Variants in WNT7A observed in about 807,000 individuals in gnomAD.
WNT7A encodes Wnt family member 7A, also known as protein Wnt-7a.
WNT7A carries 16 observed loss-of-function variants against 28.2 expected under a neutral mutation model. The observed-to-expected ratio is 0.57, with a 90% CI of 0.38 to 0.86. The LOEUF (loss-of-function observed/expected upper bound fraction) is 0.86. Ranked by LOEUF, WNT7A falls within the 40% of genes least tolerant of loss-of-function variation. WNT7A has a pLI of 0.00. For missense variants in WNT7A, 411 were observed against 489.7 expected, an observed-to-expected ratio of 0.84 and a Z score of 1.52; for synonymous variants, 190 against 195.9, an observed-to-expected ratio of 0.97 and a Z score of 0.25.
intron 1 of WNT7A, among the ~76,000 whole-genome samples, chr3:13,876,738 C>T (rs936181266): frequency 6.9e-6 from 1 of 144,062 alleles, no homozygotes; most frequent in Non-Finnish European, 1.5e-5. Flanking sequence ...GTCCTTGCTC[C>T]TCCTCTCCCT....
intron 2 of WNT7A, among the ~76,000 whole-genome samples, chr3:13,871,857 C>A (rs1362344397): frequency 6.6e-6 from 1 of 152,184 alleles, no homozygotes; most frequent in East Asian, 1.9e-4. Flanking sequence ...CAGAAGGTCT[C>A]CATTCCCATG....
At chr3:13,854,854 T>C in intron 2 of WNT7A, 51 bp from the exon 3 acceptor site, 1 of 1,606,784 alleles carries the variant, frequency 6.2e-7, no homozygotes, top group Non-Finnish European at 8.5e-7. Flanking sequence ...CCCAAGCATC[T>C]GAGAGGAGGC....
chr3:13,819,645 T>C (rs1440831833), intron 3 of WNT7A, among the ~76,000 whole-genome samples: 1 of 152,140 alleles, frequency 6.6e-6, no homozygotes, highest in African/African-American at 2.4e-5. Flanking sequence ...AGTTTCCCCA[T>C]ATGTAGAAGG....
At chr3:13,859,618 C>A (rs56042123) in intron 2 of WNT7A, among the ~76,000 whole-genome samples, 29,235 of 152,136 alleles carry the variant, frequency 0.19, 3,213 homozygotes, top group East Asian at 0.54. Context: ...ACCACCATGA[C>A]CCCTGTCCCT....
intron 2 of WNT7A, among the ~76,000 whole-genome samples, chr3:13,865,358 G>A (rs909220473): frequency 4.6e-5 from 7 of 152,132 alleles, no homozygotes; most frequent in African/African-American, 7.2e-5. Flanking sequence ...GCCTGGGAAC[G>A]GGCACAGCTC....
intron 1 of WNT7A, 101 bp downstream of exon 1, chr3:13,879,645 G>C (rs1198190448): frequency 4.5e-6 from 6 of 1,339,608 alleles, no homozygotes; most frequent in Non-Finnish European, 6.2e-6. Context: ...CAGAGAAGCT[G>C]TGGAAGTTGG....
intron 2 of WNT7A, among the ~76,000 whole-genome samples, chr3:13,858,571 C>T (rs565344309): frequency 2.4e-4 from 36 of 152,256 alleles, no homozygotes; most frequent in African/African-American, 8.2e-4. Flanking sequence ...CACATTTCAC[C>T]CCCCCGAGCT....
At chr3:13,874,815 T>C in intron 2 of WNT7A, 132 bp downstream of exon 2, 2 of 922,912 alleles carry the variant, frequency 2.2e-6, no homozygotes, top group Admixed American at 4.0e-5. Flanking sequence ...TGCAAGTCAA[T>C]GCACCTGCAG....
At chr3:13,857,650 A>G (rs7653849) in intron 2 of WNT7A, among the ~76,000 whole-genome samples, 142,432 of 152,146 alleles carry the variant, frequency 0.94, 66,801 homozygotes, top group East Asian at 1. Flanking sequence ...AGAGCCTAGA[A>G]GAGCAAAGAG....
intron 2 of WNT7A, among the ~76,000 whole-genome samples, chr3:13,859,524 C>T (rs553011514): frequency 6.6e-6 from 1 of 152,198 alleles, no homozygotes; most frequent in East Asian, 1.9e-4. Context: ...AAGAACTTGC[C>T]CTGCATCTGT....
chr3:13,868,891 G>A (rs1300949860), intron 2 of WNT7A, among the ~76,000 whole-genome samples: 9 of 140,036 alleles, frequency 6.4e-5, no homozygotes, highest in African/African-American at 1.3e-4. Context: ...AAGGAAGGAG[G>A]GAGGGAGGAA....
intron 2 of WNT7A, among the ~76,000 whole-genome samples, chr3:13,868,772 G>C (rs1195245319): frequency 1.2e-4 from 1 of 8,542 alleles, no homozygotes; most frequent in Non-Finnish European, 3.0e-4. Context: ...GGAAGGGAAG[G>C]GAAGGGAGGA....
intron 2 of WNT7A, among the ~76,000 whole-genome samples, chr3:13,856,918 A>AAGAAGAAGG: frequency 1.0e-5 from 1 of 99,984 alleles, no homozygotes; most frequent in Non-Finnish European, 1.9e-5. Context: ...GAAGAAGAAG[A>AAGAAGAAGG]AGAAGAAGAA....
intron 2 of WNT7A, among the ~76,000 whole-genome samples, chr3:13,861,240 A>C (rs568854352): frequency 6.6e-6 from 1 of 152,264 alleles, no homozygotes; most frequent in East Asian, 1.9e-4. Context: ...CCAGGATCAG[A>C]TCCTCCACCC....
chr3:13,818,579 G>A lies in WNT7A; in HGVS notation c.*365C>T, dbSNP rs1694054664. The A allele has an allele frequency of 6.5e-6, 1 of 153,522 alleles. No homozygotes were observed. Among genetic ancestry groups the A allele is most frequent in the South Asian group, 2.1e-4 (1 of 4,842 alleles). 9.5% of individuals were successfully genotyped at this position (153,522 alleles called of 1,614,324 possible). A position where few individuals can be genotyped will look rare whatever the true frequency, so the allele number is the denominator to read the frequency against. ...ACTTTGATTGCAGAAAACGGATCCC[G>A]ACGAGGTGGAAGAATTCTTTTTAAT... On this transcript the variant is annotated 3_prime_UTR_variant, in exon 4 of 4. Transcript: ENST00000285018.
rs1694572756 is a variant in WNT7A, at chr3:13,848,290, AGC to A, written c.570+6240_570+6241del. On this transcript the variant is annotated intron_variant, in intron 3 of 3. Transcript: ENST00000285018. ...CCCTATGAAGATGATAAAAAAGACA[AGC>A]TACAGTCTGGGAAAACATATTTGCC... 3.3e-5 allele frequency among the ~76,000 whole-genome samples: 5 copies of A among 152,372 alleles called. No individual in the cohort carries two copies. The South Asian group carries it at 1.0e-3, about 32-fold the overall frequency.
chr3:13,860,684 A>C (rs1028728515), intron 2 of WNT7A, among the ~76,000 whole-genome samples: 2 of 152,266 alleles, frequency 1.3e-5, no homozygotes. Flanking sequence ...TGCTGTGCCT[A>C]ACCACTCCAG....
intron 3 of WNT7A, among the ~76,000 whole-genome samples, chr3:13,828,602 AGGTCT>A (rs917987646): frequency 1.3e-5 from 2 of 152,194 alleles, no homozygotes; most frequent in African/African-American, 4.8e-5. Flanking sequence ...GGCATGGCGC[AGGTCT>A]GGGGAGCCAA....
intron 3 of WNT7A, among the ~76,000 whole-genome samples, chr3:13,852,630 G>T (rs1694658298): frequency 6.6e-6 from 1 of 152,112 alleles, no homozygotes; most frequent in African/African-American, 2.4e-5. Context: ...GGGCCCTTGG[G>T]GTGTCCCATG....
Sources: gnomAD v4.1 joint callset for allele counts (sites outside exome capture counted in the v4.1 genomes callset) on GRCh38, gnomAD v4.1.1 for gene constraint, MANE v1.5 for transcripts, NCBI Gene and HGNC (gene_info 2026-07-23, HGNC 2026-07-21) for gene names.